The following FREM3 variants were observed in gnomAD, a reference collection of about 807,000 sequenced individuals.
The protein encoded by FREM3 is FRAS1-related extracellular matrix protein 3.
A neutral mutation model predicts 129.1 loss-of-function variants in FREM3; 105 were observed. The observed-to-expected ratio is 0.81, with a 90% CI of 0.69 to 0.96. The LOEUF (loss-of-function observed/expected upper bound fraction) is 0.96. Among genes scored for constraint, FREM3 ranks in the 40% least tolerant of loss-of-function variants. The pLI is 0.00. For synonymous variants in FREM3, 1,014 were observed against 1,044.9 expected (o/e 0.97, Z 0.57); for missense variants, 2,593 against 2,666.3 (o/e 0.97, Z 0.61).
At chr4:143,687,999 G>C (rs895315357) in intron 2 of FREM3, among the ~76,000 whole-genome samples, 4 of 152,130 alleles carry the variant, frequency 2.6e-5, no homozygotes, top group Non-Finnish European at 4.4e-5. Flanking sequence ...CATAGTACTG[G>C]AAGTCCTAGC....
chr4:143,622,174 AC>A (rs2149841627), intron 4 of FREM3, among the ~76,000 whole-genome samples: 1 of 151,208 alleles, frequency 6.6e-6, no homozygotes, highest in South Asian at 2.1e-4. Context: ...GCTCACTGAA[AC>A]CTTTGTCTCC....
At chr4:143,679,392 A>T (rs980990327) in intron 2 of FREM3, among the ~76,000 whole-genome samples, 2 of 152,196 alleles carry the variant, frequency 1.3e-5, no homozygotes, top group Admixed American at 6.5e-5. Context: ...AATTTGTAGT[A>T]AAAAATTGCC....
At chr4:143,667,050 T>C (rs1292974161) in intron 2 of FREM3, among the ~76,000 whole-genome samples, 1 of 152,122 alleles carries the variant, frequency 6.6e-6, no homozygotes, top group African/African-American at 2.4e-5. Context: ...GTGAAGAGTA[T>C]TTTGACATCT....
intron 2 of FREM3, among the ~76,000 whole-genome samples, chr4:143,631,404 C>T (rs547323185): frequency 1.3e-5 from 2 of 152,170 alleles, no homozygotes; most frequent in Non-Finnish European, 2.9e-5. Context: ...AGTGCGGTAG[C>T]ACCGTCTCAG....
At position 143,585,641 on chromosome 4, in the gene FREM3, T is replaced by C. The variant is rs1738227518; in HGVS notation, c.6178+203A>G. Reference sequence around the variant, plus strand: ...GACAAGCCAGTGGGTAATAAATGAATCATAAAGGCTGCTGTTTGAATAATG... The same window carrying C: ...GACAAGCCAGTGGGTAATAAATGAACCATAAAGGCTGCTGTTTGAATAATG... On this transcript the variant is annotated intron_variant, in intron 7 of 7. Transcript: ENST00000329798. This position sits in a 1 kb window ranked among gnomAD's most constrained non-coding sequence, Gnocchi z 4.2. Among the ~76,000 whole-genome samples, 1 of 152,176 alleles carries C rather than the reference T, an allele frequency of 6.6e-6. No individual in the cohort carries two copies. Among genetic ancestry groups the C allele is most frequent in the Non-Finnish European group, 1.5e-5 (1 of 68,034 alleles).
intron 6 of FREM3, among the ~76,000 whole-genome samples, chr4:143,607,410 T>C (rs1017972975): frequency 1.3e-5 from 2 of 152,206 alleles, no homozygotes; most frequent in African/African-American, 2.4e-5. Flanking sequence ...AAGGAATCTC[T>C]GCCTTTTCTT....
At position 143,698,246 on chromosome 4, in the gene FREM3, T is replaced by A; in HGVS notation, c.2430A>T (p.Ala810=). 2.0e-6 allele frequency: 3 copies of A among 1,537,506 alleles called. No homozygotes were observed. The South Asian group carries it at 3.6e-5, about 18-fold the overall frequency. The part of the protein sequence containing the change: ...VQFTYQVEDA[A]GNSVPGTFTL... ...TGAATGTGCCTGGCACGCTATTGCC[T>A]GCAGCATCTTCCACCTGGTAAGTAA... Residue 810 remains alanine, a synonymous_variant, in exon 1 of 8, where the codon GCA becomes GCT. Transcript: ENST00000329798.
At chr4:143,675,480 A>T (rs1372741921) in intron 2 of FREM3, among the ~76,000 whole-genome samples, 1 of 152,206 alleles carries the variant, frequency 6.6e-6, no homozygotes, top group African/African-American at 2.4e-5. Flanking sequence ...AATTAAAAGA[A>T]CTAGGGAAGC....
chr4:143,600,249 C>T (rs1350450826), intron 6 of FREM3, among the ~76,000 whole-genome samples: 1 of 152,102 alleles, frequency 6.6e-6, no homozygotes, highest in Admixed American at 6.6e-5. Flanking sequence ...AACTAAACAT[C>T]ATTTTGTTCT....
At position 143,671,120 on chromosome 4, in the gene FREM3, C is replaced by T. The variant is rs79538036; in HGVS notation, c.5275+21993G>A. Among the ~76,000 whole-genome samples, 1,260 of 152,256 alleles carry T rather than the reference C, an allele frequency of 8.3e-3. 18 individuals carry two copies. The highest frequency in any genetic ancestry group is 0.029 in the African/African-American group (1,195 of 41,568). On this transcript the variant is annotated intron_variant, in intron 2 of 7. Transcript: ENST00000329798. ...ATCACAATTAAATATTCAGCCTCTA[C>T]AAATCACAAAATGAACTTGAAATTT...
chr4:143,646,941 G>A (rs182682069), intron 2 of FREM3, among the ~76,000 whole-genome samples: 1 of 152,154 alleles, frequency 6.6e-6, no homozygotes, highest in Non-Finnish European at 1.5e-5. Flanking sequence ...GAAGAAGATA[G>A]GAAAATGTGG....
In FREM3 at chr4:143,659,683, T is replaced by C. The variant is rs1281016468; in HGVS notation, c.5276-31923A>G. 7.1e-5 allele frequency among the ~76,000 whole-genome samples: 5 copies of C among 70,190 alleles called. No individual in the cohort carries two copies. The South Asian group carries it at 2.3e-3, about 33-fold the overall frequency. The allele number at this position is 70,190 out of a possible 152,430, so 46.0% of individuals were successfully genotyped here. ...CTGACTTCCACAATGGTTGAACTAG[T>C]TTACAGTCCCACCAACAGTGTAAAA... On this transcript the variant is annotated intron_variant, in intron 2 of 7. Transcript: ENST00000329798.
intron 2 of FREM3, among the ~76,000 whole-genome samples, chr4:143,660,423 G>A (rs1739689475): frequency 6.6e-6 from 1 of 152,064 alleles, no homozygotes; most frequent in Non-Finnish European, 1.5e-5. Context: ...TGAGGGCTCT[G>A]TTCTGTTCCA....
chr4:143,672,162 A>G (rs1276498914), intron 2 of FREM3, among the ~76,000 whole-genome samples: 1 of 152,202 alleles, frequency 6.6e-6, no homozygotes, highest in Non-Finnish European at 1.5e-5. Context: ...ACTTGATTCT[A>G]AATTGCAGAC....
intron 1 of FREM3, among the ~76,000 whole-genome samples, chr4:143,694,877 C>T (rs1400619768): frequency 6.6e-6 from 1 of 152,090 alleles, no homozygotes; most frequent in Non-Finnish European, 1.5e-5. Context: ...AAAGTTATGA[C>T]AACATAAAGA....
intron 6 of FREM3, among the ~76,000 whole-genome samples, chr4:143,595,109 C>T (rs79158672): frequency 3.4e-4 from 52 of 152,278 alleles, no homozygotes; most frequent in Middle Eastern, 3.4e-3. Flanking sequence ...TGTTCATATT[C>T]GGAGACGCTT....
At chr4:143,668,490 A>G (rs1199765431) in intron 2 of FREM3, among the ~76,000 whole-genome samples, 2 of 152,226 alleles carry the variant, frequency 1.3e-5, no homozygotes, top group East Asian at 3.8e-4. Flanking sequence ...AATGAATAAA[A>G]CACTGTGTTC....
At chr4:143,636,977 T>A (rs2149845283) in intron 2 of FREM3, among the ~76,000 whole-genome samples, 1 of 152,326 alleles carries the variant, frequency 6.6e-6, no homozygotes, top group South Asian at 2.1e-4. Context: ...TATATGCTTA[T>A]GTTTTCTAAT....
chr4:143,577,490 A>G lies in FREM3; in HGVS notation c.*121T>C. ...TTACATTTCCACATATCACCAGAAT[A>G]TAACACCAATGACAGTACAATATCA... On this transcript the variant is annotated 3_prime_UTR_variant, in exon 8 of 8. Coordinates refer to ENST00000329798, the MANE Select transcript of FREM3 (RefSeq NM_001168235.2). The G allele has an allele frequency of 1.1e-6, 1 of 908,916 alleles. No individual in the cohort carries two copies. Among genetic ancestry groups the G allele is most frequent in the Non-Finnish European group, 1.6e-6 (1 of 617,010 alleles). The allele number at this position is 908,916 out of a possible 1,614,324, so 56.3% of individuals were successfully genotyped here. A position where few individuals can be genotyped will look rare whatever the true frequency, so the allele number is the denominator to read the frequency against.
Sources: gnomAD v4.1 joint callset for allele counts (sites outside exome capture counted in the v4.1 genomes callset) on GRCh38, gnomAD v4.1.1 for gene constraint, Gnocchi (gnomAD v3.1) non-coding constraint, MANE v1.5 for transcripts, NCBI Gene and HGNC (gene_info 2026-07-23, HGNC 2026-07-21) for gene names.